GUCY2C: variants seen among roughly 807,000 people sequenced by gnomAD.
GUCY2C encodes guanylyl cyclase C.
GUCY2C carries 118 observed loss-of-function variants against 131.1 expected under a neutral mutation model. The observed-to-expected ratio is 0.90, with a 90% CI of 0.78 to 1.05. The LOEUF (loss-of-function observed/expected upper bound fraction) is 1.05. GUCY2C is among the 50% of genes least tolerant of loss of function. The pLI is 0.00. For synonymous variants in GUCY2C, 452 were observed against 457.8 expected (o/e 0.99, Z 0.16); for missense variants, 1,161 against 1,304.4 (o/e 0.89, Z 1.69).
At chr12:14,650,282 T>A (rs1041269791) in intron 15 of GUCY2C, among the ~76,000 whole-genome samples, 1 of 152,236 alleles carries the variant, frequency 6.6e-6, no homozygotes, top group African/African-American at 2.4e-5. Context: ...GGAGTCTCGC[T>A]CTGTTGCCAG....
At chr12:14,679,412 G>A (rs1250098103) in intron 6 of GUCY2C, among the ~76,000 whole-genome samples, 1 of 152,088 alleles carries the variant, frequency 6.6e-6, no homozygotes, top group African/African-American at 2.4e-5. Context: ...ATGGACATGT[G>A]GGTTCAATGG....
intron 19 of GUCY2C, among the ~76,000 whole-genome samples, chr12:14,634,879 A>C (rs1012157721): frequency 1.3e-5 from 2 of 152,232 alleles, no homozygotes; most frequent in Non-Finnish European, 2.9e-5. Flanking sequence ...ATAGGTCATT[A>C]TATAATGATA....
intron 19 of GUCY2C, among the ~76,000 whole-genome samples, chr12:14,634,580 A>T (rs1399742733): frequency 1.3e-5 from 2 of 152,234 alleles, no homozygotes; most frequent in Non-Finnish European, 2.9e-5. Flanking sequence ...ACCAGAAATC[A>T]ATTAATCAAA....
intron 21 of GUCY2C, 97 bp downstream of exon 21, chr12:14,625,660 A>G (rs187749851): frequency 1.1e-4 from 142 of 1,267,682 alleles, no homozygotes; most frequent in Non-Finnish European, 6.5e-5. Context: ...CCAATAATCT[A>G]CTGAAGAATA....
intron 15 of GUCY2C, among the ~76,000 whole-genome samples, chr12:14,645,540 T>C (rs1432077790): frequency 6.6e-6 from 1 of 152,144 alleles, no homozygotes; most frequent in Non-Finnish European, 1.5e-5. Context: ...ACCCATAGCA[T>C]CCCAAATTTC....
chr12:14,688,790 C>A (rs569044561), intron 1 of GUCY2C, among the ~76,000 whole-genome samples: 1 of 152,156 alleles, frequency 6.6e-6, no homozygotes, highest in Admixed American at 6.5e-5. Flanking sequence ...CTTAGCCATG[C>A]GACACATGGT....
At chr12:14,641,349 G>A in intron 17 of GUCY2C, 130 bp from the exon 18 acceptor site, 1 of 912,052 alleles carries the variant, frequency 1.1e-6, no homozygotes, top group Non-Finnish European at 1.6e-6. Context: ...AAGTGGCCTT[G>A]AATTGATATG....
chr12:14,646,062 C>T (rs929923249), intron 15 of GUCY2C, among the ~76,000 whole-genome samples: 6 of 152,090 alleles, frequency 3.9e-5, no homozygotes, highest in African/African-American at 1.4e-4. Flanking sequence ...TCTCGAACTC[C>T]TGGCCTCAAG....
At chr12:14,672,548 G>A (rs1397199531) in intron 9 of GUCY2C, among the ~76,000 whole-genome samples, 1 of 151,992 alleles carries the variant, frequency 6.6e-6, no homozygotes, top group Non-Finnish European at 1.5e-5. Flanking sequence ...CCTCTCATTG[G>A]TATCCCATCA....
At chr12:14,653,131 G>T in intron 12 of GUCY2C, 117 bp from the exon 13 acceptor site, 1 of 794,696 alleles carries the variant, frequency 1.3e-6, no homozygotes, top group Non-Finnish European at 2.3e-6. Flanking sequence ...ATAACATGCT[G>T]GGCAAGCAGG....
chr12:14,619,118 T>C, intron 24 of GUCY2C, 93 bp downstream of exon 24: 1 of 703,234 alleles, frequency 1.4e-6, no homozygotes, highest in Non-Finnish European at 2.5e-6. Context: ...TCACTGGCAC[T>C]TTGTATCTCC....
At chr12:14,679,848 A>G (rs776051053) in intron 5 of GUCY2C, 95 bp from the exon 6 acceptor site, 19 of 674,044 alleles carry the variant, frequency 2.8e-5, no homozygotes, top group Non-Finnish European at 5.1e-5. Flanking sequence ...CAGTATGTTA[A>G]TGTTAAATTT....
Position 14,613,058 on chromosome 12 carries a change from G to T in GUCY2C, c.*59C>A. 1 of 1,368,298 alleles carries T rather than the reference G, an allele frequency of 7.3e-7. No homozygotes were observed. 84.8% of individuals were successfully genotyped at this position (1,368,298 alleles called of 1,614,324 possible). A position where few individuals can be genotyped will look rare whatever the true frequency, so the allele number is the denominator to read the frequency against. ...AATGTAAGCTTTCAGGACACTTGAGGTCGCTGCCTCAGTGCAGCTGTATTT... is the reference window on the plus strand; with the variant it reads ...AATGTAAGCTTTCAGGACACTTGAGTTCGCTGCCTCAGTGCAGCTGTATTT... On this transcript the variant is annotated 3_prime_UTR_variant, in exon 27 of 27. Coordinates refer to ENST00000261170, the MANE Select transcript of GUCY2C (RefSeq NM_004963.4). This position sits in a 1 kb window ranked among gnomAD's most constrained non-coding sequence, Gnocchi z 4.9.
At chr12:14,675,387 A>G (rs548366942) in intron 7 of GUCY2C, among the ~76,000 whole-genome samples, 7 of 152,222 alleles carry the variant, frequency 4.6e-5, no homozygotes, top group African/African-American at 1.7e-4. Flanking sequence ...TACAAATGCA[A>G]CCAGGAAAGG....
At chr12:14,621,306 AGT>A (rs1946891870) in intron 22 of GUCY2C, 90 bp from the exon 23 acceptor site, 1 of 1,173,846 alleles carries the variant, frequency 8.5e-7, no homozygotes, top group Non-Finnish European at 1.2e-6. Flanking sequence ...AAACACAAAA[AGT>A]GATTTGGGAA....
intron 16 of GUCY2C, among the ~76,000 whole-genome samples, chr12:14,644,626 C>A (rs964378779): frequency 6.6e-6 from 1 of 152,088 alleles, no homozygotes. Context: ...TACTGGTGTC[C>A]ACTCTGTTTT....
In GUCY2C at chr12:14,613,339, C is replaced by G. The variant is rs1376434279; in HGVS notation, c.3048-48G>C. On this transcript the variant is annotated intron_variant, in intron 26 of 26. Transcript: ENST00000261170. The surrounding 1 kb of genome is among the most constrained non-coding windows in gnomAD (Gnocchi z 4.9). The stretch of plus-strand genomic sequence containing the variant: ...AAATAGAACTTCTCAGCAATTCATA[C>G]AGAATATTCCTTAGCTCCAGAATAA... The G allele has an allele frequency of 2.9e-6, 4 of 1,358,890 alleles. No homozygotes were observed. The highest frequency in any genetic ancestry group is 4.2e-6 in the Non-Finnish European group (4 of 949,450). The allele number at this position is 1,358,890 out of a possible 1,614,324, so 84.2% of individuals were successfully genotyped here.
At chr12:14,626,910 T>C (rs1428729871) in intron 20 of GUCY2C, among the ~76,000 whole-genome samples, 7 of 152,334 alleles carry the variant, frequency 4.6e-5, no homozygotes, top group Admixed American at 4.6e-4. Context: ...GGAAAATCTT[T>C]TAAAAGCTGG....
chr12:14,674,603 T>A (rs1181632036), intron 8 of GUCY2C, 22 bp downstream of exon 8: 5 of 1,611,504 alleles, frequency 3.1e-6, no homozygotes, highest in Non-Finnish European at 4.2e-6. Context: ...CTTGGGGTTA[T>A]TTGCTCTTAG....
Sources: allele counts gnomAD v4.1 joint callset (sites outside exome capture counted in the v4.1 genomes callset), GRCh38; gene constraint gnomAD v4.1.1; non-coding constraint Gnocchi (gnomAD v3.1); transcripts MANE v1.5; gene names NCBI Gene and HGNC (gene_info 2026-07-23, HGNC 2026-07-21).